PPIP5K2: variants seen among roughly 807,000 people sequenced by gnomAD.
The protein encoded by PPIP5K2 is inositol hexakisphosphate and diphosphoinositol-pentakisphosphate kinase 2.
Under a neutral mutation model 154.6 loss-of-function variants are expected in PPIP5K2, and 105 were observed. The observed-to-expected ratio is 0.68, with a 90% confidence interval of 0.58 to 0.80. The LOEUF is 0.80. Ranked by LOEUF, PPIP5K2 falls within the 30% of genes least tolerant of loss-of-function variation. The pLI, the probability that PPIP5K2 is intolerant of heterozygous loss-of-function variation, is 0.00. For synonymous variants in PPIP5K2, 480 were observed against 490.3 expected, an observed-to-expected ratio of 0.98 and a Z score of 0.28; for missense variants, 992 against 1,504.6, an observed-to-expected ratio of 0.66 and a Z score of 5.64.
In PPIP5K2 at chr5:103,154,712, G is replaced by T. The variant is rs543766146; in HGVS notation, c.1260G>T (p.Gly420=). Residue 420 remains glycine (G), a synonymous_variant, in exon 12 of 31, where the codon GGG becomes GGT. Transcript: ENST00000358359. ...AAAAGTGTGATGGATATAAATCAGG[G>T]AAATTAAAACTCAAAAAACCAAAAC... ...LFEKCDGYKS[G]KLKLKKPKQL... is the part of the protein sequence containing the mutation. The T allele has an allele frequency of 6.3e-7, 1 of 1,582,116 alleles. No homozygotes were observed. The highest frequency in any genetic ancestry group is 2.3e-5 in the East Asian group (1 of 44,206).
intron 13 of PPIP5K2, 44 bp downstream of exon 13, chr5:103,154,987 C>CCTG: frequency 8.7e-7 from 1 of 1,154,236 alleles, no homozygotes; most frequent in Non-Finnish European, 1.2e-6. Context: ...CTACATATAG[C>CCTG]TCTTCTTTTT....
chr5:103,162,249 G>C (rs188169719), intron 17 of PPIP5K2, among the ~76,000 whole-genome samples: 2 of 151,844 alleles, frequency 1.3e-5, no homozygotes, highest in Admixed American at 1.3e-4. Context: ...TTGGATGGTA[G>C]AAGTTCTTTA....
At chr5:103,171,902 A>G (rs943118276) in intron 19 of PPIP5K2, among the ~76,000 whole-genome samples, 65 of 151,710 alleles carry the variant, frequency 4.3e-4, no homozygotes, top group African/African-American at 1.4e-3. Context: ...CTATATATAC[A>G]TTATTATTCC....
intron 1 of PPIP5K2, 134 bp downstream of exon 1, chr5:103,120,622 C>T (rs1788497655): frequency 2.5e-6 from 1 of 398,542 alleles, no homozygotes; most frequent in Non-Finnish European, 5.2e-6. Flanking sequence ...GGGGCTTGTG[C>T]TGGAGAGAAT....
intron 8 of PPIP5K2, 90 bp downstream of exon 8, chr5:103,149,403 G>A (rs1230509897): frequency 8.1e-7 from 1 of 1,232,452 alleles, no homozygotes; most frequent in African/African-American, 1.5e-5. Flanking sequence ...TATAATTGGA[G>A]AAGTAAACCG....
At chr5:103,122,353 CT>C (rs1431022182) in intron 1 of PPIP5K2, among the ~76,000 whole-genome samples, 1 of 152,124 alleles carries the variant, frequency 6.6e-6, no homozygotes, top group Admixed American at 6.5e-5. Flanking sequence ...TGTGATAGTT[CT>C]CAGGAAAACC....
intron 18 of PPIP5K2, 29 bp downstream of exon 18, chr5:103,167,349 C>T (rs1554218238): frequency 1.3e-5 from 19 of 1,484,398 alleles, no homozygotes; most frequent in Non-Finnish European, 1.7e-5. Context: ...GAGCATAGAA[C>T]AAATAAAAGT....
rs565793580 is a variant in PPIP5K2, at chr5:103,210,379, G to A, written c.*8745G>A. The A allele has an allele frequency of 6.6e-6, 1 of 152,192 alleles. No homozygotes were observed. Among genetic ancestry groups the A allele is most frequent in the Admixed American group, 6.5e-5 (1 of 15,284 alleles). 9.4% of individuals were successfully genotyped at this position (152,192 alleles called of 1,614,324 possible). A position where few individuals can be genotyped will look rare whatever the true frequency, so the allele number is the denominator to read the frequency against. ...TTTTGACAATGAACCTTGTGCTTCT[G>A]AAAATATTTATATTTAACCATGAGG... On this transcript the variant is annotated 3_prime_UTR_variant, in exon 31 of 31. Coordinates refer to ENST00000358359, the MANE Select transcript of PPIP5K2 (RefSeq NM_001276277.3).
chr5:103,132,554 AAATT>A (rs1364338321), intron 2 of PPIP5K2, among the ~76,000 whole-genome samples: 10 of 152,304 alleles, frequency 6.6e-5, no homozygotes, highest in East Asian at 5.8e-4. Flanking sequence ...TCAAAAAAAA[AAATT>A]AATTAATTAA....
At chr5:103,142,125 T>C (rs1792834189) in intron 5 of PPIP5K2, among the ~76,000 whole-genome samples, 1 of 152,094 alleles carries the variant, frequency 6.6e-6, no homozygotes, top group South Asian at 2.1e-4. Flanking sequence ...CAGGAGCCCA[T>C]GGAGTGGGTG....
At chr5:103,156,221 A>G (rs1170166360) in intron 14 of PPIP5K2, among the ~76,000 whole-genome samples, 1 of 152,210 alleles carries the variant, frequency 6.6e-6, no homozygotes, top group African/African-American at 2.4e-5. Flanking sequence ...TGAAAACTGC[A>G]TAGGAATTCC....
At position 103,147,969 on chromosome 5, in the gene PPIP5K2, T is replaced by C. The variant is rs553354514; in HGVS notation, c.681T>C (p.Asn227=). Residue 227 remains asparagine (N), a synonymous_variant, in exon 7 of 31, where the codon AAT becomes AAC. Transcript: ENST00000358359. ...GTAGTGTTTATTCTCCAGAAAGCAA[T>C]GTACGAAAAACAGGCTCATATATAT... is the stretch of plus-strand genomic sequence containing the variant. The part of the protein sequence containing the change: ...SRSSVYSPES[N]VRKTGSYIYE... The C allele has an allele frequency of 3.1e-6, 5 of 1,603,924 alleles. No individual in the cohort carries two copies. The highest frequency in any genetic ancestry group is 2.7e-5 in the African/African-American group (2 of 74,740).
In PPIP5K2 at chr5:103,186,354, G is replaced by C; in HGVS notation, c.3204G>C (p.Val1068=). The part of the protein sequence containing the change: ...SHCAGLFSTS[V]LGGSSSAPNL... ...GTGCGGGCCTGTTTAGCACCTCGGT[G>C]CTCGGGGGTTCTTCAAGCGCACCTA... Residue 1068 remains valine (V), a synonymous_variant, in exon 27 of 31, where the codon GTG becomes GTC. Transcript: ENST00000358359. 1 of 1,613,884 alleles carries C rather than the reference G, an allele frequency of 6.2e-7. No homozygotes were observed.
chr5:103,183,910 T>C (rs1467812289), intron 25 of PPIP5K2, among the ~76,000 whole-genome samples: 1 of 152,182 alleles, frequency 6.6e-6, no homozygotes, highest in Non-Finnish European at 1.5e-5. Context: ...TATTGATAAT[T>C]TTCTTCCTCA....
In PPIP5K2 at chr5:103,211,244, T is replaced by C. The variant is rs1240069215; in HGVS notation, c.*9610T>C. Reference sequence around the variant, plus strand: ...AATGCTGCAACCACAAATAAAAACATTACTTACCCTATGAGAAAGACTAGA... The same window carrying C: ...AATGCTGCAACCACAAATAAAAACACTACTTACCCTATGAGAAAGACTAGA... On this transcript the variant is annotated 3_prime_UTR_variant, in exon 31 of 31. Coordinates refer to ENST00000358359, the MANE Select transcript of PPIP5K2 (RefSeq NM_001276277.3). 6.6e-6 allele frequency: 1 copy of C among 152,082 alleles called. No homozygotes were observed. Among genetic ancestry groups the C allele is most frequent in the Non-Finnish European group, 1.5e-5 (1 of 67,980 alleles). The allele number at this position is 152,082 out of a possible 1,614,324, so 9.4% of individuals were successfully genotyped here.
At chr5:103,134,899 A>G (rs1244484430) in intron 3 of PPIP5K2, among the ~76,000 whole-genome samples, 2 of 152,192 alleles carry the variant, frequency 1.3e-5, no homozygotes, top group Admixed American at 1.3e-4. Flanking sequence ...GGTTCTTGAT[A>G]TAAGGTATCT....
At chr5:103,120,552 G>T in intron 1 of PPIP5K2, 64 bp downstream of exon 1, 1 of 456,162 alleles carries the variant, frequency 2.2e-6, no homozygotes, top group South Asian at 1.5e-5. Context: ...GGTTGAGGCG[G>T]CTGCTGGGCT....
intron 1 of PPIP5K2, chr5:103,120,708 G>C: frequency 6.2e-6 from 2 of 323,364 alleles, no homozygotes; most frequent in Non-Finnish European, 1.3e-5. Context: ...GCTCCCCCAT[G>C]GCTTCCCTTT....
At chr5:103,162,670 T>C (rs1191753385) in intron 17 of PPIP5K2, among the ~76,000 whole-genome samples, 3 of 152,154 alleles carry the variant, frequency 2.0e-5, no homozygotes, top group African/African-American at 7.2e-5. Flanking sequence ...GCCAATAATA[T>C]CTTTTGATAA....
Sources: allele counts gnomAD v4.1 joint callset (sites outside exome capture counted in the v4.1 genomes callset), GRCh38; gene constraint gnomAD v4.1.1; transcripts MANE v1.5; gene names NCBI Gene and HGNC (gene_info 2026-07-23, HGNC 2026-07-21).